Variants in OLFM3 observed in about 807,000 individuals in gnomAD.
OLFM3 encodes noelin-3.
In OLFM3, 20 loss-of-function variants were observed where a neutral mutation model predicts 48.6. That is an observed-to-expected ratio of 0.41 (90% confidence interval 0.29 to 0.60). The LOEUF (loss-of-function observed/expected upper bound fraction) is 0.60. Ranked by LOEUF, OLFM3 falls within the 20% of genes least tolerant of loss-of-function variation. The pLI is 0.28. For missense variants in OLFM3, 437 were observed against 544.3 expected (o/e 0.80, Z 1.96); for synonymous variants, 222 against 198.1 (o/e 1.12, Z -1.01).
chr1:101,896,004 T>TAATA (rs1553178073), intron 1 of OLFM3, among the ~76,000 whole-genome samples: 3 of 137,886 alleles, frequency 2.2e-5, no homozygotes, highest in African/African-American at 7.6e-5. Flanking sequence ...ATAATAATAA[T>TAATA]AAAAGTATGC....
intron 1 of OLFM3, among the ~76,000 whole-genome samples, chr1:101,967,236 C>A (rs891878351): frequency 6.6e-6 from 1 of 151,938 alleles, no homozygotes; most frequent in Non-Finnish European, 1.5e-5. Flanking sequence ...ACTGCGTACT[C>A]ATGTCTACCC....
At chr1:101,842,112 C>A (rs1655749742) in intron 1 of OLFM3, among the ~76,000 whole-genome samples, 1 of 152,150 alleles carries the variant, frequency 6.6e-6, no homozygotes, top group Admixed American at 6.5e-5. Context: ...CTTGCTATTA[C>A]TTATAATAAT....
At chr1:101,955,494 C>T (rs1660261188) in intron 1 of OLFM3, among the ~76,000 whole-genome samples, 1 of 151,856 alleles carries the variant, frequency 6.6e-6, no homozygotes, top group Non-Finnish European at 1.5e-5. Flanking sequence ...TTCAGCACTA[C>T]TTGACTTCTA....
At chr1:101,892,537 G>T (rs1658042354) in intron 1 of OLFM3, among the ~76,000 whole-genome samples, 1 of 151,970 alleles carries the variant, frequency 6.6e-6, no homozygotes, top group South Asian at 2.1e-4. Context: ...TAAACAATTT[G>T]ATTTACAATA....
At chr1:101,932,518 C>G (rs534902582) in intron 1 of OLFM3, among the ~76,000 whole-genome samples, 8 of 152,304 alleles carry the variant, frequency 5.3e-5, no homozygotes, top group African/African-American at 1.9e-4. Context: ...CACTGGGACT[C>G]ATTCCTAAAC....
At chr1:101,866,586 T>C (rs1366276806) in intron 1 of OLFM3, among the ~76,000 whole-genome samples, 1 of 152,104 alleles carries the variant, frequency 6.6e-6, no homozygotes, top group Non-Finnish European at 1.5e-5. Context: ...AAAAAATAGC[T>C]ATGAAAGAAC....
intron 1 of OLFM3, among the ~76,000 whole-genome samples, chr1:101,910,346 A>G (rs371251222): frequency 5.3e-5 from 8 of 152,146 alleles, no homozygotes; most frequent in East Asian, 3.9e-4. Flanking sequence ...GGCGCCTGTA[A>G]TCCCAGCTGC....
chr1:101,807,021 A>C (rs1183636229), intron 4 of OLFM3, among the ~76,000 whole-genome samples: 1 of 151,880 alleles, frequency 6.6e-6, no homozygotes, highest in African/African-American at 2.4e-5. Context: ...AAAGATTACT[A>C]TAAAGTTTTA....
At chr1:101,920,139 C>A (rs1659049182) in intron 1 of OLFM3, among the ~76,000 whole-genome samples, 1 of 152,264 alleles carries the variant, frequency 6.6e-6, no homozygotes, top group South Asian at 2.1e-4. Flanking sequence ...CCTAATTGGT[C>A]TCTCTGTTTG....
intron 3 of OLFM3, among the ~76,000 whole-genome samples, chr1:101,829,347 A>G (rs12095491): frequency 1.8e-3 from 270 of 152,088 alleles, no homozygotes; most frequent in African/African-American, 6.1e-3. Flanking sequence ...GGTTTTGTGT[A>G]CTTCTCTCTT....
intron 1 of OLFM3, among the ~76,000 whole-genome samples, chr1:101,932,388 G>A (rs1227410069): frequency 6.6e-6 from 1 of 152,140 alleles, no homozygotes; most frequent in Admixed American, 6.5e-5. Context: ...CACGACATTG[G>A]GAAGACAGGC....
intron 1 of OLFM3, among the ~76,000 whole-genome samples, chr1:101,916,999 A>G (rs1223020939): frequency 6.6e-6 from 1 of 152,232 alleles, no homozygotes; most frequent in Non-Finnish European, 1.5e-5. Flanking sequence ...TAATCATAGC[A>G]TAAAGAAACC....
chr1:101,828,008 TGC>T (rs1654943766), intron 3 of OLFM3, among the ~76,000 whole-genome samples: 1 of 107,258 alleles, frequency 9.3e-6, no homozygotes, highest in African/African-American at 3.4e-5. Context: ...TCTGCATTCA[TGC>T]TCTCTCTCTC....
chr1:101,903,581 C>T (rs1658457252), intron 1 of OLFM3, among the ~76,000 whole-genome samples: 1 of 151,928 alleles, frequency 6.6e-6, no homozygotes, highest in Non-Finnish European at 1.5e-5. Flanking sequence ...AGGTTGTATG[C>T]TATATAGTTT....
At chr1:101,978,003 T>C (rs1461876058) in intron 1 of OLFM3, among the ~76,000 whole-genome samples, 2 of 152,148 alleles carry the variant, frequency 1.3e-5, no homozygotes, top group African/African-American at 4.8e-5. Flanking sequence ...TATAGATTAG[T>C]ACATTAGTTA....
chr1:101,840,913 G>A (rs557137566), intron 1 of OLFM3, among the ~76,000 whole-genome samples: 1 of 152,308 alleles, frequency 6.6e-6, no homozygotes, highest in African/African-American at 2.4e-5. Context: ...TACTGATGCA[G>A]TTCTCTTTGA....
At chr1:101,916,591 G>A (rs1199040555) in intron 1 of OLFM3, among the ~76,000 whole-genome samples, 1 of 152,122 alleles carries the variant, frequency 6.6e-6, no homozygotes, top group Non-Finnish European at 1.5e-5. Flanking sequence ...TAGAGCAACT[G>A]TAGTTTTTGT....
At chr1:101,861,406 T>C (rs1485398123) in intron 1 of OLFM3, among the ~76,000 whole-genome samples, 2 of 152,234 alleles carry the variant, frequency 1.3e-5, no homozygotes, top group Non-Finnish European at 2.9e-5. Flanking sequence ...GTTCAGAAGA[T>C]AACTGCATCA....
chr1:101,807,934 G>T (rs1011903695), intron 4 of OLFM3, among the ~76,000 whole-genome samples: 2 of 151,728 alleles, frequency 1.3e-5, no homozygotes, highest in African/African-American at 4.8e-5. Flanking sequence ...GTATTGGTTT[G>T]AACTAGAAAA....
Sources: gnomAD v4.1 joint callset for allele counts (sites outside exome capture counted in the v4.1 genomes callset) on GRCh38, gnomAD v4.1.1 for gene constraint, MANE v1.5 for transcripts, NCBI Gene and HGNC (gene_info 2026-07-23, HGNC 2026-07-21) for gene names.